DTD1: variants seen among roughly 807,000 people sequenced by gnomAD.
DTD1 encodes the protein D-tyrosyl-tRNA deacylase 1 homolog.
In DTD1, 13 loss-of-function variants were observed where a neutral mutation model predicts 25.6. That is an observed-to-expected ratio of 0.51 (90% CI 0.33 to 0.81). The LOEUF (loss-of-function observed/expected upper bound fraction) is 0.81. Ranked by LOEUF, DTD1 falls within the 30% of genes least tolerant of loss-of-function variation. The pLI, the probability that DTD1 is intolerant of heterozygous loss-of-function variation, is 0.02. For missense variants in DTD1, 193 were observed against 266.4 expected (o/e 0.72, Z 1.92); for synonymous variants, 110 against 103.6 (o/e 1.06, Z -0.37).
chr20:18,754,694 C>T (rs1268104502), intron 5 of DTD1, among the ~76,000 whole-genome samples: 2 of 152,238 alleles, frequency 1.3e-5, no homozygotes, highest in Admixed American at 6.5e-5. Context: ...GCTGCGTGGT[C>T]TCCAGCTACT....
At chr20:18,705,217 T>C (rs145542424) in intron 4 of DTD1, among the ~76,000 whole-genome samples, 1 of 152,296 alleles carries the variant, frequency 6.6e-6, no homozygotes, top group East Asian at 1.9e-4. Flanking sequence ...TTTAAAAACA[T>C]AAAATTTTGC....
At chr20:18,743,318 G>A (rs1235451886) in intron 4 of DTD1, among the ~76,000 whole-genome samples, 1 of 152,182 alleles carries the variant, frequency 6.6e-6, no homozygotes, top group Non-Finnish European at 1.5e-5. Context: ...TAACTGAGAC[G>A]GTGTTCAGTG....
chr20:18,720,308 A>G lies in DTD1; in HGVS notation c.478-23792A>G, dbSNP rs543759742. On this transcript the variant is annotated intron_variant, in intron 4 of 5. Transcript: ENST00000377452. ...ACATTTCATACTATCATAAATGCAG[A>G]TCAGACATAAAATATACTTAATACT... Among the ~76,000 whole-genome samples the G allele has an allele frequency of 9.9e-4, 151 of 152,344 alleles. 3 individuals are homozygous for G. In the South Asian group the frequency reaches 0.031, roughly 31 times the overall value.
chr20:18,712,601 A>G (rs1309213082), intron 4 of DTD1, among the ~76,000 whole-genome samples: 2 of 152,156 alleles, frequency 1.3e-5, no homozygotes, highest in African/African-American at 2.4e-5. Context: ...ATGGAGACAC[A>G]TGCCATAAAT....
chr20:18,651,160 TG>T (rs1262528158), intron 4 of DTD1, among the ~76,000 whole-genome samples: 19 of 152,208 alleles, frequency 1.2e-4, no homozygotes, highest in Admixed American at 1.2e-3. Context: ...TTGTTTGGTT[TG>T]TTTGTTTTTA....
intron 3 of DTD1, among the ~76,000 whole-genome samples, chr20:18,623,927 G>A (rs1439106031): frequency 7.4e-6 from 1 of 135,716 alleles, no homozygotes; most frequent in African/African-American, 2.6e-5. Flanking sequence ...AAAAGAGCAT[G>A]CACAATAGAG....
At chr20:18,617,058 C>G (rs958004643) in intron 3 of DTD1, among the ~76,000 whole-genome samples, 2 of 152,116 alleles carry the variant, frequency 1.3e-5, no homozygotes, top group South Asian at 2.1e-4. Flanking sequence ...CCTGAATTTC[C>G]TCCGCACTTC....
intron 4 of DTD1, among the ~76,000 whole-genome samples, chr20:18,714,324 A>G (rs2061171404): frequency 6.6e-6 from 1 of 152,134 alleles, no homozygotes; most frequent in South Asian, 2.1e-4. Context: ...GATCTGGGGT[A>G]CTGTTTCATC....
chr20:18,702,989 C>T (rs2061112156), intron 4 of DTD1, among the ~76,000 whole-genome samples: 1 of 152,090 alleles, frequency 6.6e-6, no homozygotes, highest in Admixed American at 6.6e-5. Flanking sequence ...CTGGGTGGGT[C>T]AGCTTTGTGG....
intron 4 of DTD1, among the ~76,000 whole-genome samples, chr20:18,732,056 A>G (rs973681157): frequency 1.4e-4 from 21 of 152,114 alleles, no homozygotes; most frequent in Non-Finnish European, 2.5e-4. Context: ...GGTCATGTCT[A>G]CTGCTCTTCT....
intron 2 of DTD1, among the ~76,000 whole-genome samples, chr20:18,595,651 A>G (rs2060607953): frequency 6.6e-6 from 1 of 152,202 alleles, no homozygotes; most frequent in Non-Finnish European, 1.5e-5. Context: ...CGTTCATGAA[A>G]AATTACAATT....
chr20:18,711,432 A>G (rs562258324), intron 4 of DTD1, among the ~76,000 whole-genome samples: 1 of 151,758 alleles, frequency 6.6e-6, no homozygotes, highest in Non-Finnish European at 1.5e-5. Context: ...TGGAGCTCCC[A>G]TGGGGCTTAC....
At chr20:18,687,796 A>G (rs1188513198) in intron 4 of DTD1, among the ~76,000 whole-genome samples, 1 of 152,142 alleles carries the variant, frequency 6.6e-6, no homozygotes, top group African/African-American at 2.4e-5. Flanking sequence ...CTCTCACCTT[A>G]GCCTCCCACA....
At chr20:18,687,876 A>G (rs545164096) in intron 4 of DTD1, among the ~76,000 whole-genome samples, 4 of 152,326 alleles carry the variant, frequency 2.6e-5, no homozygotes, top group Admixed American at 1.3e-4. Context: ...TAACAGTAAC[A>G]AAGAAGACAG....
At chr20:18,635,897 A>G (rs1034317331) in intron 4 of DTD1, among the ~76,000 whole-genome samples, 1 of 152,170 alleles carries the variant, frequency 6.6e-6, no homozygotes, top group Non-Finnish European at 1.5e-5. Context: ...CAAAAATTGA[A>G]AAGAGTTTTT....
intron 4 of DTD1, among the ~76,000 whole-genome samples, chr20:18,712,118 A>C (rs1461718307): frequency 1.3e-5 from 2 of 151,536 alleles, no homozygotes; most frequent in Non-Finnish European, 2.9e-5. Flanking sequence ...TTCTTCATCA[A>C]CTCCATTCTG....
chr20:18,697,436 T>G (rs1157613163), intron 4 of DTD1, among the ~76,000 whole-genome samples: 1 of 152,178 alleles, frequency 6.6e-6, no homozygotes, highest in Non-Finnish European at 1.5e-5. Context: ...AAATTTTATA[T>G]AGTGGTAGAG....
chr20:18,653,621 G>C (rs1319453616), intron 4 of DTD1, among the ~76,000 whole-genome samples: 2 of 152,218 alleles, frequency 1.3e-5, no homozygotes, highest in Non-Finnish European at 2.9e-5. Flanking sequence ...TTAACAATTA[G>C]ACAGTGGTTA....
chr20:18,646,802 C>T (rs766700880), intron 4 of DTD1, among the ~76,000 whole-genome samples: 53 of 152,312 alleles, frequency 3.5e-4, no homozygotes, highest in Non-Finnish European at 6.8e-4. Context: ...CACAACCCAA[C>T]ATGGTTTTGA....
Sources: gnomAD v4.1 joint callset for allele counts (sites outside exome capture counted in the v4.1 genomes callset) on GRCh38, gnomAD v4.1.1 for gene constraint, MANE v1.5 for transcripts, NCBI Gene and HGNC (gene_info 2026-07-23, HGNC 2026-07-21) for gene names.